HIBADH: variants seen among roughly 807,000 people sequenced by gnomAD.
HIBADH encodes the protein 3-hydroxyisobutyrate dehydrogenase, also known as 3-hydroxyisobutyrate dehydrogenase, mitochondrial.
Under a neutral mutation model 36.1 loss-of-function variants are expected in HIBADH, and 25 were observed. That is an observed-to-expected ratio of 0.69 (90% confidence interval 0.50 to 0.97). HIBADH has a LOEUF of 0.97. Ranked by LOEUF, HIBADH falls within the 50% of genes least tolerant of loss-of-function variation. The pLI is 0.00. For missense variants in HIBADH, 421 were observed against 418.0 expected (o/e 1.01, Z -0.06); for synonymous variants, 160 against 149.5 (o/e 1.07, Z -0.51).
chr7:27,626,321 C>G (rs1785646298), intron 4 of HIBADH, among the ~76,000 whole-genome samples: 1 of 152,220 alleles, frequency 6.6e-6, no homozygotes, highest in Non-Finnish European at 1.5e-5. Context: ...GCTTTATAAA[C>G]TACTATCTAT....
chr7:27,641,600 A>T (rs1369676282), intron 2 of HIBADH, among the ~76,000 whole-genome samples: 1 of 152,176 alleles, frequency 6.6e-6, no homozygotes. Context: ...CCAACATTTT[A>T]AAAAACTAAA....
chr7:27,644,138 C>T (rs1195510604), intron 2 of HIBADH, among the ~76,000 whole-genome samples: 3 of 152,150 alleles, frequency 2.0e-5, no homozygotes, highest in African/African-American at 7.2e-5. Context: ...CAGATATATG[C>T]AACCATGATG....
chr7:27,554,642 C>G (rs1784365700), intron 4 of HIBADH, among the ~76,000 whole-genome samples: 1 of 152,030 alleles, frequency 6.6e-6, no homozygotes, highest in African/African-American at 2.4e-5. Flanking sequence ...TCTGTTATAA[C>G]TTTGAGGGTA....
chr7:27,605,213 CTTTT>C (rs897821216), intron 4 of HIBADH, among the ~76,000 whole-genome samples: 8 of 151,778 alleles, frequency 5.3e-5, no homozygotes, highest in African/African-American at 1.4e-4. Flanking sequence ...TATAATGAGC[CTTTT>C]TTTATTGTGC....
At chr7:27,634,665 C>T (rs1323301913) in intron 2 of HIBADH, among the ~76,000 whole-genome samples, 2 of 152,200 alleles carry the variant, frequency 1.3e-5, no homozygotes, top group Non-Finnish European at 2.9e-5. Flanking sequence ...GACCTGAGGT[C>T]TAAGAGTTAA....
intron 4 of HIBADH, among the ~76,000 whole-genome samples, chr7:27,567,898 T>C (rs995789815): frequency 1.3e-5 from 2 of 152,162 alleles, no homozygotes; most frequent in African/African-American, 2.4e-5. Flanking sequence ...ACAAAAGCCA[T>C]ATGCATTCAG....
chr7:27,624,380 A>T (rs145897365), intron 4 of HIBADH, among the ~76,000 whole-genome samples: 1 of 152,232 alleles, frequency 6.6e-6, no homozygotes, highest in Admixed American at 6.5e-5. Context: ...CTTCAGAAAG[A>T]GTTTATAACA....
At chr7:27,576,624 G>C (rs1024930722) in intron 4 of HIBADH, among the ~76,000 whole-genome samples, 1 of 152,130 alleles carries the variant, frequency 6.6e-6, no homozygotes, top group Non-Finnish European at 1.5e-5. Flanking sequence ...CCCTAAATAA[G>C]GCAATTACTT....
Position 27,662,699 on chromosome 7 carries a change from C to T in HIBADH, c.90G>A (p.Ala30=). The change falls in exon 1 of 8, where the codon GCG becomes GCA. Residue 30 remains alanine (A), a splice_region_variant and synonymous_variant. Transcript: ENST00000265395. ...GGGGAGGAGGCGTGAGGTCCTTACC[C>T]GCTGCAAAGCTGCCGGCTGCCGGCC... ...RLRPAAGSFA[A]VCSRSVASKT... 2 of 1,353,148 alleles carry T rather than the reference C, an allele frequency of 1.5e-6. No homozygotes were observed. The highest frequency in any genetic ancestry group is 1.9e-6 in the Non-Finnish European group (2 of 1,045,380). 83.8% of individuals were successfully genotyped at this position (1,353,148 alleles called of 1,614,324 possible).
Position 27,661,035 on chromosome 7 carries a change from G to C in HIBADH, c.91+1663C>G, listed in dbSNP as rs184336367. Among the ~76,000 whole-genome samples, 79 of 152,326 alleles carry C rather than the reference G, an allele frequency of 5.2e-4. 2 individuals carry two copies. In the East Asian group the frequency reaches 8.3e-3, roughly 16 times the overall value. On this transcript the variant is annotated intron_variant, in intron 1 of 7. Transcript: ENST00000265395. ...GGAACTGAAAGAATTGTGAATTCAT[G>C]TGAAAACTGGTGCTACTGTGGAAAA... is the stretch of plus-strand genomic sequence containing the variant.
chr7:27,641,707 A>G (rs768844687), intron 2 of HIBADH, among the ~76,000 whole-genome samples: 1 of 152,166 alleles, frequency 6.6e-6, no homozygotes, highest in Non-Finnish European at 1.5e-5. Flanking sequence ...AGGAAATCAC[A>G]CTTGTTCTGA....
At chr7:27,569,212 C>A (rs1784592102) in intron 4 of HIBADH, among the ~76,000 whole-genome samples, 1 of 152,040 alleles carries the variant, frequency 6.6e-6, no homozygotes, top group African/African-American at 2.4e-5. Context: ...TTTATAGCTT[C>A]TTTTTCTTAA....
At chr7:27,577,993 A>G (rs1317704324) in intron 4 of HIBADH, among the ~76,000 whole-genome samples, 1 of 152,120 alleles carries the variant, frequency 6.6e-6, no homozygotes, top group African/African-American at 2.4e-5. Context: ...TAATCTAAAC[A>G]CTGCTGACCT....
rs566378118 is a variant in HIBADH at position 27,582,041 on chromosome 7, A to T, written c.485-38941T>A. 2.0e-5 allele frequency among the ~76,000 whole-genome samples: 3 copies of T among 152,294 alleles called. 1 individual carries two copies. The highest frequency in any genetic ancestry group is 7.2e-5 in the African/African-American group (3 of 41,576). Reference sequence around the variant, plus strand: ...TGTAATTATTAGCATTTGAAATCAGAGGCCAAAAAGACTTCATGCTTTGAC... The same window carrying T: ...TGTAATTATTAGCATTTGAAATCAGTGGCCAAAAAGACTTCATGCTTTGAC... On this transcript the variant is annotated intron_variant, in intron 4 of 7. Transcript: ENST00000265395.
chr7:27,585,679 A>G (rs919630055), intron 4 of HIBADH, among the ~76,000 whole-genome samples: 6 of 152,212 alleles, frequency 3.9e-5, no homozygotes, highest in African/African-American at 1.2e-4. Flanking sequence ...TCAAATGTCA[A>G]TGACACACAC....
chr7:27,596,951 AT>A (rs1785043287), intron 4 of HIBADH, among the ~76,000 whole-genome samples: 1 of 152,220 alleles, frequency 6.6e-6, no homozygotes, highest in Non-Finnish European at 1.5e-5. Context: ...TTGCAAAAAA[AT>A]CCCATTTGTT....
At chr7:27,611,249 G>A (rs1785315079) in intron 4 of HIBADH, among the ~76,000 whole-genome samples, 1 of 152,184 alleles carries the variant, frequency 6.6e-6, no homozygotes, top group Admixed American at 6.5e-5. Context: ...CGCCACTTCA[G>A]AGTCACTTCA....
At chr7:27,573,457 TCTAGA>T (rs995191701) in intron 4 of HIBADH, among the ~76,000 whole-genome samples, 3 of 152,202 alleles carry the variant, frequency 2.0e-5, no homozygotes, top group East Asian at 1.9e-4. Flanking sequence ...TTAGACATCG[TCTAGA>T]CTAGACTAGA....
intron 4 of HIBADH, among the ~76,000 whole-genome samples, chr7:27,577,257 G>A (rs1405185174): frequency 2.0e-5 from 3 of 148,614 alleles, no homozygotes; most frequent in Admixed American, 6.8e-5. Flanking sequence ...TCCGCCTCCC[G>A]GGTTCAAGCA....
Sources: gnomAD v4.1 joint callset for allele counts (sites outside exome capture counted in the v4.1 genomes callset) on GRCh38, gnomAD v4.1.1 for gene constraint, MANE v1.5 for transcripts, NCBI Gene and HGNC (gene_info 2026-07-23, HGNC 2026-07-21) for gene names.